The following CDKN2B-AS1 variants were observed in gnomAD, a reference collection of about 807,000 sequenced individuals.
The protein encoded by CDKN2B-AS1 is CDKN2B and CDKN2A antisense cis and trans regulatory RNA 1.
chr9:22,063,997 C>A (rs1823931126), intron 4 of CDKN2B-AS1: 1 of 152,102 alleles, frequency 6.6e-6, no homozygotes, highest in Admixed American at 6.5e-5. Context: ...TGCCTGTGGC[C>A]ACCTTGGAGA....
At chr9:22,076,179 A>G (rs952779003) in intron 4 of CDKN2B-AS1, among the ~76,000 whole-genome samples, 1 of 151,974 alleles carries the variant, frequency 6.6e-6, no homozygotes, top group African/African-American at 2.4e-5. Context: ...TCAACCTCCC[A>G]AGTAGTTGGA....
chr9:22,089,614 T>A (rs1563974251), intron 4 of CDKN2B-AS1, among the ~76,000 whole-genome samples: 1 of 151,946 alleles, frequency 6.6e-6, no homozygotes, highest in Non-Finnish European at 1.5e-5. Context: ...TCTTTTCTTT[T>A]TTTTTCCCCT....
At chr9:22,082,760 T>C (rs1221256516) in intron 4 of CDKN2B-AS1, among the ~76,000 whole-genome samples, 1 of 152,208 alleles carries the variant, frequency 6.6e-6, no homozygotes. Context: ...AGAGTGAGGA[T>C]ACCCGACTCT....
intron 1 of CDKN2B-AS1, among the ~76,000 whole-genome samples, chr9:22,035,190 G>A (rs766646125): frequency 9.9e-5 from 15 of 151,878 alleles, no homozygotes; most frequent in Non-Finnish European, 2.2e-4. Flanking sequence ...GGTATTTAGA[G>A]AAAATAAGTG....
chr9:22,096,133 C>T (rs530162725), intron 4 of CDKN2B-AS1, among the ~76,000 whole-genome samples: 1 of 152,206 alleles, frequency 6.6e-6, no homozygotes, highest in South Asian at 2.1e-4. Flanking sequence ...ACATGTAAGG[C>T]AAACAATACA....
chr9:22,055,874 G>A (rs894707360), intron 3 of CDKN2B-AS1, among the ~76,000 whole-genome samples: 8 of 152,064 alleles, frequency 5.3e-5, no homozygotes, highest in African/African-American at 1.9e-4. Flanking sequence ...GGCATATAGG[G>A]AGGATGAATA....
intron 4 of CDKN2B-AS1, among the ~76,000 whole-genome samples, chr9:22,102,768 C>T (rs565938684): frequency 7.9e-5 from 12 of 152,218 alleles, no homozygotes; most frequent in Middle Eastern, 3.4e-3. Flanking sequence ...GGGCATGGTG[C>T]AGAGAGCAGG....
At chr9:22,038,921 A>G (rs923261631) in intron 1 of CDKN2B-AS1, among the ~76,000 whole-genome samples, 2 of 152,080 alleles carry the variant, frequency 1.3e-5, no homozygotes, top group East Asian at 1.9e-4. Context: ...TAGTAATTTC[A>G]TTGTTGACTT....
In CDKN2B-AS1 at chr9:21,995,740, C is replaced by G. The variant is rs962583419; in HGVS notation, n.29+579C>G. On this transcript the variant is annotated intron_variant and non_coding_transcript_variant, in intron 1 of 4. Transcript: ENST00000650946. This position sits in a 1 kb window ranked among gnomAD's most constrained non-coding sequence, Gnocchi z 5.7. ...GGAGGAGCCGGGTCCTGAGCGCGGT[C>G]TAAGCGAGGCTCGGCTCTCGTCCAG... The G allele has an allele frequency of 3.3e-5, 5 of 152,310 alleles. No homozygotes were observed. Among genetic ancestry groups the G allele is most frequent in the Admixed American group, 3.3e-4 (5 of 15,292 alleles). 9.4% of individuals were successfully genotyped at this position (152,310 alleles called of 1,614,324 possible).
intron 4 of CDKN2B-AS1, among the ~76,000 whole-genome samples, chr9:22,060,936 A>C (rs2383205): frequency 1.3e-5 from 2 of 151,998 alleles, no homozygotes; most frequent in African/African-American, 4.8e-5. Context: ...CTCACCCTGG[A>C]TACCTCCCAC....
At chr9:22,096,523 G>C (rs1031828478) in intron 4 of CDKN2B-AS1, 2 of 152,226 alleles carry the variant, frequency 1.3e-5, no homozygotes, top group African/African-American at 4.8e-5. Context: ...AGGTATGAGA[G>C]TGACTTTTCT....
At chr9:22,113,581 G>A (rs949810177) in intron 4 of CDKN2B-AS1, 1 of 152,250 alleles carries the variant, frequency 6.6e-6, no homozygotes, top group South Asian at 2.1e-4. Flanking sequence ...TTGGACTCTA[G>A]TATATATTTG....
chr9:21,997,134 C>T lies in CDKN2B-AS1; in HGVS notation n.29+1973C>T, dbSNP rs910624000. On this transcript the variant is annotated intron_variant and non_coding_transcript_variant, in intron 1 of 4. Transcript: ENST00000650946. The surrounding 1 kb of genome is among the most constrained non-coding windows in gnomAD (Gnocchi z 4.8). Reference sequence around the variant, plus strand: ...AACCTAGGTGGTATAGTCTATTATACATCTAGGCTGTATGGTATGGGCTAT... The same window carrying T: ...AACCTAGGTGGTATAGTCTATTATATATCTAGGCTGTATGGTATGGGCTAT... Among the ~76,000 whole-genome samples the T allele has an allele frequency of 6.6e-6, 1 of 152,160 alleles. No individual in the cohort carries two copies. Among genetic ancestry groups the T allele is most frequent in the African/African-American group, 2.4e-5 (1 of 41,428 alleles).
chr9:22,008,705 T>A (rs1472424508), intron 1 of CDKN2B-AS1: 1 of 1,611,456 alleles, frequency 6.2e-7, no homozygotes, highest in Non-Finnish European at 8.5e-7. Context: ...TGTACAAATC[T>A]ACATCGGCGA....
intron 1 of CDKN2B-AS1, among the ~76,000 whole-genome samples, chr9:22,045,467 C>T (rs2131271577): frequency 6.6e-6 from 1 of 152,068 alleles, no homozygotes; most frequent in African/African-American, 2.4e-5. Flanking sequence ...GCTTTTGGCA[C>T]AAGTATTCAT....
At chr9:22,012,577 C>G (rs1563920508) in intron 1 of CDKN2B-AS1, 2 of 505,228 alleles carry the variant, frequency 4.0e-6, no homozygotes, top group Middle Eastern at 5.4e-4. Context: ...CTGCCCAGGC[C>G]CCATGGCCCT....
At chr9:22,059,436 A>G (rs1412579835) in intron 4 of CDKN2B-AS1, among the ~76,000 whole-genome samples, 1 of 152,192 alleles carries the variant, frequency 6.6e-6, no homozygotes, top group Non-Finnish European at 1.5e-5. Flanking sequence ...TCCAGGTCTC[A>G]TATCCAGGTT....
At chr9:22,022,522 T>G (rs951183701) in intron 1 of CDKN2B-AS1, among the ~76,000 whole-genome samples, 5 of 152,304 alleles carry the variant, frequency 3.3e-5, no homozygotes, top group Admixed American at 6.5e-5. Flanking sequence ...TCTCCATCCT[T>G]TTATTTTGAG....
At chr9:22,119,716 G>C (rs1401032338) in intron 4 of CDKN2B-AS1, 1 of 152,210 alleles carries the variant, frequency 6.6e-6, no homozygotes, top group African/African-American at 2.4e-5. Flanking sequence ...TTGGATTAAA[G>C]CTTTCATGAT....
Sources: allele counts gnomAD v4.1 joint callset (sites outside exome capture counted in the v4.1 genomes callset), GRCh38; gene constraint gnomAD v4.1.1; non-coding constraint Gnocchi (gnomAD v3.1); transcripts MANE v1.5; gene names NCBI Gene and HGNC (gene_info 2026-07-23, HGNC 2026-07-21).